Variants in AGBL1 observed in about 807,000 individuals in gnomAD.
AGBL1 encodes the protein AGBL carboxypeptidase 1.
AGBL1 carries 130 observed loss-of-function variants against 118.9 expected under a neutral mutation model. That is an observed-to-expected ratio of 1.09 (90% CI 0.95 to 1.26). The LOEUF is 1.26. AGBL1 is among the 50% of genes most tolerant of loss of function. The pLI is 0.00. For missense variants in AGBL1, 1,584 were observed against 1,298.1 expected, an observed-to-expected ratio of 1.22 and a Z score of -3.38; for synonymous variants, 555 against 478.9, an observed-to-expected ratio of 1.16 and a Z score of -2.08.
intron 19 of AGBL1, 114 bp downstream of exon 19, chr15:86,523,053 A>G: frequency 7.9e-7 from 1 of 1,269,594 alleles, no homozygotes; most frequent in Non-Finnish European, 1.1e-6. Context: ...TATGTATGAC[A>G]AGATAGAATG....
intron 21 of AGBL1, among the ~76,000 whole-genome samples, chr15:86,649,142 A>T (rs1184906122): frequency 6.6e-6 from 1 of 152,156 alleles, no homozygotes; most frequent in Non-Finnish European, 1.5e-5. Context: ...AGGAAATAGG[A>T]TCTGATGCAT....
chr15:86,674,216 G>T lies in AGBL1; in HGVS notation c.2995-57G>T, dbSNP rs748110294. ...AAGTCCTTCTTCCTAATTTCAAAGT[G>T]TCACCACTCAGCTCCCATTATACGT... On this transcript the variant is annotated intron_variant, in intron 21 of 22. Coordinates refer to ENST00000614907, the MANE Select transcript of AGBL1 (RefSeq NM_001386094.1). 4.1e-4 allele frequency: 620 copies of T among 1,504,362 alleles called. 1 individual carries two copies. Among genetic ancestry groups the T allele is most frequent in the Middle Eastern group, 2.9e-3 (17 of 5,794 alleles). 93.2% of individuals were successfully genotyped at this position (1,504,362 alleles called of 1,614,324 possible). A position where few individuals can be genotyped will look rare whatever the true frequency, so the allele number is the denominator to read the frequency against.
At chr15:86,251,213 G>T (rs544341468) in intron 7 of AGBL1, among the ~76,000 whole-genome samples, 5 of 152,108 alleles carry the variant, frequency 3.3e-5, no homozygotes, top group African/African-American at 7.2e-5. Context: ...TCCCAAGTTC[G>T]CAAAGCTCAT....
chr15:86,523,063 G>A (rs949717031), intron 19 of AGBL1, 124 bp downstream of exon 19: 3 of 1,187,410 alleles, frequency 2.5e-6, no homozygotes, highest in African/African-American at 3.0e-5. Flanking sequence ...AAGATAGAAT[G>A]GAGGATGCAT....
intron 22 of AGBL1, among the ~76,000 whole-genome samples, chr15:86,799,642 G>A (rs1297576461): frequency 2.0e-5 from 3 of 151,952 alleles, no homozygotes; most frequent in Non-Finnish European, 4.4e-5. Context: ...CCAGAAAGTT[G>A]GAGAAATTGA....
intron 21 of AGBL1, among the ~76,000 whole-genome samples, chr15:86,659,716 G>A (rs1472663730): frequency 1.3e-5 from 2 of 152,144 alleles, no homozygotes; most frequent in Non-Finnish European, 1.5e-5. Context: ...GAGGCAGGCA[G>A]GAAGCAGACA....
At chr15:86,367,970 G>A (rs1405506838) in intron 17 of AGBL1, among the ~76,000 whole-genome samples, 1 of 152,096 alleles carries the variant, frequency 6.6e-6, no homozygotes, top group East Asian at 1.9e-4. Flanking sequence ...AATAAACATG[G>A]GTTAGGGTTC....
intron 5 of AGBL1, among the ~76,000 whole-genome samples, chr15:86,224,172 C>T (rs1448435419): frequency 6.6e-6 from 1 of 152,136 alleles, no homozygotes; most frequent in African/African-American, 2.4e-5. Context: ...ACTCTCCTCC[C>T]TATAATTATA....
intron 5 of AGBL1, among the ~76,000 whole-genome samples, chr15:86,201,650 G>T (rs2077909048): frequency 6.6e-6 from 1 of 152,210 alleles, no homozygotes; most frequent in African/African-American, 2.4e-5. Context: ...TCACCATGGT[G>T]CAAAACCTGG....
chr15:87,016,324 G>A (rs2081607808), intron 24 of AGBL1, among the ~76,000 whole-genome samples: 1 of 152,168 alleles, frequency 6.6e-6, no homozygotes, highest in Non-Finnish European at 1.5e-5. Context: ...CAAGAATTAA[G>A]TGCAGGCTTA....
downstream of AGBL1, among the ~76,000 whole-genome samples, chr15:86,916,427 T>TTGTG (rs939693029): frequency 1.3e-5 from 2 of 150,668 alleles, no homozygotes; most frequent in Admixed American, 1.3e-4. Flanking sequence ...GTGTGTGTGT[T>TTGTG]TGTGTGTGTG....
intron 21 of AGBL1, among the ~76,000 whole-genome samples, chr15:86,581,384 G>A (rs1310644982): frequency 6.6e-6 from 1 of 152,084 alleles, no homozygotes; most frequent in East Asian, 1.9e-4. Context: ...CTAATGACAA[G>A]ATCTGGTGGC....
chr15:86,242,804 C>A (rs1466200810), intron 6 of AGBL1, among the ~76,000 whole-genome samples: 2 of 152,330 alleles, frequency 1.3e-5, no homozygotes, highest in East Asian at 1.9e-4. Context: ...GTAAGAGGAG[C>A]AGTGGGCTGC....
chr15:86,963,737 T>G (rs185720363), intron 23 of AGBL1, among the ~76,000 whole-genome samples: 1 of 151,958 alleles, frequency 6.6e-6, no homozygotes, highest in Non-Finnish European at 1.5e-5. Context: ...TTAGTCCTTT[T>G]TGAGTTACTG....
intron 19 of AGBL1, among the ~76,000 whole-genome samples, chr15:86,536,845 C>G (rs1419458453): frequency 6.6e-6 from 1 of 152,116 alleles, no homozygotes; most frequent in Non-Finnish European, 1.5e-5. Context: ...GCCACAGGGA[C>G]TAATTTTGCC....
At position 86,674,355 on chromosome 15, in the gene AGBL1, C is replaced by T. The variant is rs746554301; in HGVS notation, c.3077C>T (p.Ala1026Val). Residue 1026 changes from alanine (A) to valine (V), a missense_variant, in exon 22 of 23, where the codon GCC becomes GTC. By Grantham distance (64) the Ala-to-Val change is moderately conservative. Transcript: ENST00000614907. ...CTCCTCATCCTGGAGCTCAAATCTG[C>T]CAGCTGCAGCCATCAGCTCCTGGCT... Reference protein sequence around the residue: ...LGLLILELKSASCSHQLLAQA... With the variant: ...LGLLILELKSVSCSHQLLAQA... 5.0e-6 allele frequency: 8 copies of T among 1,612,456 alleles called. No individual in the cohort carries two copies. Among genetic ancestry groups the T allele is most frequent in the African/African-American group, 2.7e-5 (2 of 74,900 alleles).
intron 23 of AGBL1, chr15:86,987,878 G>A (rs2081299826): frequency 1.5e-6 from 2 of 1,334,188 alleles, no homozygotes; most frequent in East Asian, 4.9e-5. Flanking sequence ...TCCTATTAAA[G>A]TTTGTTTTTC....
At chr15:86,566,404 G>T (rs1370355849) in intron 21 of AGBL1, among the ~76,000 whole-genome samples, 1 of 152,070 alleles carries the variant, frequency 6.6e-6, no homozygotes, top group African/African-American at 2.4e-5. Context: ...TATTCTTGCT[G>T]GTCTTTATTT....
At position 86,787,025 on chromosome 15, in the gene AGBL1, G is replaced by A. The variant is rs1199906130; in HGVS notation, c.3158+112589G>A. Among the ~76,000 whole-genome samples, 3 of 152,076 alleles carry A rather than the reference G, an allele frequency of 2.0e-5. No homozygotes were observed. In the South Asian group the frequency reaches 6.2e-4, roughly 32 times the overall value. ...AATGCTCCACATTTTGTCAACACTTGGTGGTGTTTGCCTAATTGATGTTGT... is the reference window on the plus strand; with the variant it reads ...AATGCTCCACATTTTGTCAACACTTAGTGGTGTTTGCCTAATTGATGTTGT... On this transcript the variant is annotated intron_variant, in intron 22 of 22. Transcript: ENST00000614907.
Sources: gnomAD v4.1 joint callset for allele counts (sites outside exome capture counted in the v4.1 genomes callset) on GRCh38, gnomAD v4.1.1 for gene constraint, MANE v1.5 for transcripts, NCBI Gene and HGNC (gene_info 2026-07-23, HGNC 2026-07-21) for gene names.